ATP1A4: variants seen among roughly 807,000 people sequenced by gnomAD.
ATP1A4 encodes the protein ATPase Na+/K+ transporting subunit alpha 4.
Under a neutral mutation model 114.3 loss-of-function variants are expected in ATP1A4, and 90 were observed. That is an observed-to-expected ratio of 0.79 (90% CI 0.66 to 0.94). The LOEUF (loss-of-function observed/expected upper bound fraction) is 0.94. ATP1A4 is among the 40% of genes least tolerant of loss of function. The probability of loss-of-function intolerance (pLI) is 0.00; values close to 1 mark genes in which losing one functional copy is unlikely to be tolerated. For missense variants in ATP1A4, 1,222 were observed against 1,313.6 expected (o/e 0.93, Z 1.08); for synonymous variants, 511 against 494.1 (o/e 1.03, Z -0.45).
chr1:160,156,294 G>C, intron 4 of ATP1A4, 136 bp downstream of exon 4: 1 of 626,630 alleles, frequency 1.6e-6, no homozygotes, highest in South Asian at 1.9e-5. Context: ...TCAAGGTACT[G>C]TATCAGTCCT....
chr1:160,181,590 A>G, intron 18 of ATP1A4, 94 bp from the exon 19 acceptor site: 1 of 1,399,176 alleles, frequency 7.1e-7, no homozygotes, highest in Non-Finnish European at 9.7e-7. Flanking sequence ...GACCTGACTC[A>G]GCCCAGGGGT....
intron 6 of ATP1A4, among the ~76,000 whole-genome samples, chr1:160,163,503 C>A (rs1652928464): frequency 6.6e-6 from 1 of 152,098 alleles, no homozygotes; most frequent in African/African-American, 2.4e-5. Flanking sequence ...CTTAGGTTTA[C>A]CCATTATTAT....
chr1:160,181,991 A>G lies in ATP1A4; in HGVS notation c.2929A>G (p.Thr977Ala). The stretch of plus-strand genomic sequence containing the variant: ...ACTCTTGGCTGCATTTCTGTCCTAC[A>G]CTCCAGGCATGGACGTGGCCCTGCG... The part of the protein sequence containing the change: ...ETLLAAFLSY[T>A]PGMDVALRMY... Residue 977 changes from threonine (T) to alanine (A), a missense_variant, in exon 20 of 22, where the codon ACT becomes GCT. Coordinates refer to ENST00000368081, the MANE Select transcript of ATP1A4 (RefSeq NM_144699.4). 3 of 1,613,966 alleles carry G rather than the reference A, an allele frequency of 1.9e-6. No homozygotes were observed. The highest frequency in any genetic ancestry group is 1.7e-6 in the Non-Finnish European group (2 of 1,179,992).
At position 160,186,368 on chromosome 1, in the gene ATP1A4, G is replaced by T; in HGVS notation, c.3061+1G>T. The T allele has an allele frequency of 6.2e-7, 1 of 1,609,230 alleles. No homozygotes were observed. Among genetic ancestry groups the T allele is most frequent in the Non-Finnish European group, 8.5e-7 (1 of 1,176,346 alleles). On this transcript the variant is annotated splice_donor_variant, in intron 21 of 21. Coordinates refer to ENST00000368081, the MANE Select transcript of ATP1A4 (RefSeq NM_144699.4). LOFTEE classifies it high-confidence loss of function. ...CTCCTCATCCGTCAGCACCCGGATG[G>T]TGAGGCTCCCCTGGGCCCCGCTCTG...
At chr1:160,164,059 T>A in intron 6 of ATP1A4, 97 bp from the exon 7 acceptor site, 1 of 1,476,504 alleles carries the variant, frequency 6.8e-7, no homozygotes, top group Non-Finnish European at 9.1e-7. Context: ...TTTAAGGGTT[T>A]TTAGAAGCTC....
intron 20 of ATP1A4, 44 bp from the exon 21 acceptor site, chr1:160,186,232 C>T: frequency 7.4e-7 from 1 of 1,349,828 alleles, no homozygotes; most frequent in Non-Finnish European, 1.1e-6. Context: ...TGTCCTCTGG[C>T]ATCTCTCTCT....
intron 20 of ATP1A4, among the ~76,000 whole-genome samples, chr1:160,185,823 G>A (rs187836481): frequency 1.5e-4 from 22 of 151,680 alleles, no homozygotes; most frequent in South Asian, 4.2e-4. Context: ...GGAGGCTGAG[G>A]CAGGAGAATC....
rs1653889710 is a variant in ATP1A4, at chr1:160,186,265, G to C, written c.2970-11G>C. ...TCTCCTGCCATGCTGACTGGCTCTT[G>C]CTCTCTACAGGATAACCTGGTGGCT... On this transcript the variant is annotated splice_polypyrimidine_tract_variant and intron_variant, in intron 20 of 21. Transcript: ENST00000368081. 6.3e-7 allele frequency: 1 copy of C among 1,594,722 alleles called. No individual in the cohort carries two copies. Among genetic ancestry groups the C allele is most frequent in the South Asian group, 1.1e-5 (1 of 90,700 alleles).
chr1:160,171,839 T>G (rs78410334), intron 12 of ATP1A4, 82 bp downstream of exon 12: 123 of 1,365,562 alleles, frequency 9.0e-5, no homozygotes, highest in Non-Finnish European at 1.1e-4. Context: ...GAGTAGATGC[T>G]TAATACCCTT....
chr1:160,153,075 G>T, intron 1 of ATP1A4, 90 bp from the exon 2 acceptor site: 1 of 1,051,112 alleles, frequency 9.5e-7, no homozygotes, highest in Non-Finnish European at 1.5e-6. Context: ...GTCTCAGTTT[G>T]GACTAACATT....
chr1:160,171,882 C>G (rs1653278179), intron 12 of ATP1A4, 125 bp downstream of exon 12: 4 of 996,308 alleles, frequency 4.0e-6, no homozygotes, highest in Non-Finnish European at 4.3e-6. Flanking sequence ...TTTCCTTGGG[C>G]TTATGATTTT....
At chr1:160,167,135 C>A in intron 9 of ATP1A4, 58 bp downstream of exon 9, 1 of 1,578,360 alleles carries the variant, frequency 6.3e-7, no homozygotes, top group East Asian at 2.3e-5. Context: ...CTGACCTCTC[C>A]CAAAAAATCC....
At chr1:160,166,892 G>A in intron 8 of ATP1A4, 76 bp from the exon 9 acceptor site, 1 of 1,523,236 alleles carries the variant, frequency 6.6e-7, no homozygotes, top group Admixed American at 1.7e-5. Flanking sequence ...GTATCTGGGT[G>A]CCAAAGAGGA....
intron 10 of ATP1A4, among the ~76,000 whole-genome samples, chr1:160,168,788 T>A (rs1464093271): frequency 6.6e-6 from 1 of 152,186 alleles, no homozygotes; most frequent in Non-Finnish European, 1.5e-5. Context: ...TGGTTGTTAG[T>A]CAATGTAATA....
In ATP1A4 at chr1:160,177,509, T is replaced by C. The variant is rs1353957470; in HGVS notation, c.2591-10T>C. 1 of 1,613,704 alleles carries C rather than the reference T, an allele frequency of 6.2e-7. No individual in the cohort carries two copies. The highest frequency in any genetic ancestry group is 1.1e-5 in the South Asian group (1 of 90,988). On this transcript the variant is annotated splice_polypyrimidine_tract_variant and intron_variant, in intron 17 of 21. Transcript: ENST00000368081. ...CAGGCTCCCCTGTCCTGCAACTCTG[T>C]CATTCACAGGGATGATCCAGGCTCT...
Position 160,184,044 on chromosome 1 carries a change from G to A in ATP1A4, c.2969+2013G>A, listed in dbSNP as rs527364510. Among the ~76,000 whole-genome samples, 12 of 148,216 alleles carry A rather than the reference G, an allele frequency of 8.1e-5. No homozygotes were observed. In the South Asian group the frequency reaches 2.4e-3, roughly 29 times the overall value. On this transcript the variant is annotated intron_variant, in intron 20 of 21. Transcript: ENST00000368081. ...CTCGGCTCACTGCAAACTCCGCCCC[G>A]CTGGTTCAAGCAATTCTCCTGCCTC...
chr1:160,153,074 T>C, intron 1 of ATP1A4, 91 bp from the exon 2 acceptor site: 1 of 1,043,708 alleles, frequency 9.6e-7, no homozygotes, highest in Non-Finnish European at 1.5e-6. Flanking sequence ...AGTCTCAGTT[T>C]GGACTAACAT....
intron 20 of ATP1A4, chr1:160,183,087 A>G (rs6427506): frequency 0.56 from 84,465 of 152,116 alleles, 23,856 homozygotes; most frequent in East Asian, 0.8. Context: ...AATAGGAGAC[A>G]TTGGCACTGG....
At position 160,173,728 on chromosome 1, in the gene ATP1A4, T is replaced by C; in HGVS notation, c.1991+11T>C. 1.2e-6 allele frequency: 2 copies of C among 1,613,386 alleles called. No homozygotes were observed. The highest frequency in any genetic ancestry group is 1.7e-6 in the Non-Finnish European group (2 of 1,179,544). On this transcript the variant is annotated intron_variant, in intron 13 of 21. Transcript: ENST00000368081. ...CAAGGTCGATGCCAGGTGAGATCAC[T>C]AAAGAACTCAAGATCTGCCATGTTC...
Sources: gnomAD v4.1 joint callset for allele counts (sites outside exome capture counted in the v4.1 genomes callset) on GRCh38, gnomAD v4.1.1 for gene constraint, MANE v1.5 for transcripts, NCBI Gene and HGNC (gene_info 2026-07-23, HGNC 2026-07-21) for gene names.